Variants in ASIC2 observed in about 807,000 individuals in gnomAD.
ASIC2 encodes the protein acid sensing ion channel subunit 2.
Under a neutral mutation model 57.3 loss-of-function variants are expected in ASIC2, and 25 were observed. The observed-to-expected ratio is 0.44, with a 90% CI of 0.32 to 0.61. The LOEUF is 0.61. Ranked by LOEUF, ASIC2 falls within the 20% of genes least tolerant of loss-of-function variation. The pLI is 0.06. For synonymous variants in ASIC2, 319 were observed against 307.5 expected (o/e 1.04, Z -0.39); for missense variants, 641 against 738.1 (o/e 0.87, Z 1.52).
At chr17:33,884,552 T>C (rs1403481903) in intron 1 of ASIC2, among the ~76,000 whole-genome samples, 1 of 152,202 alleles carries the variant, frequency 6.6e-6, no homozygotes, top group Admixed American at 6.5e-5. Context: ...CCCAGCATTA[T>C]GAAAACCCTA....
intron 1 of ASIC2, among the ~76,000 whole-genome samples, chr17:33,949,838 A>G (rs1309618046): frequency 1.3e-5 from 2 of 152,222 alleles, no homozygotes; most frequent in Non-Finnish European, 2.9e-5. Context: ...CTTAGTGAGG[A>G]TTAATTATTA....
chr17:33,545,248 T>C (rs2141972180), intron 1 of ASIC2, among the ~76,000 whole-genome samples: 1 of 152,208 alleles, frequency 6.6e-6, no homozygotes, highest in East Asian at 1.9e-4. Flanking sequence ...TGGTTCTATA[T>C]GTTAAGCAAT....
chr17:33,490,543 T>C (rs1405794960), intron 1 of ASIC2, among the ~76,000 whole-genome samples: 2 of 152,186 alleles, frequency 1.3e-5, no homozygotes, highest in Non-Finnish European at 2.9e-5. Flanking sequence ...GCCGTTCCAT[T>C]GATAGTGAAT....
At chr17:34,079,488 C>G (rs1909799041) in intron 1 of ASIC2, among the ~76,000 whole-genome samples, 1 of 152,206 alleles carries the variant, frequency 6.6e-6, no homozygotes, top group African/African-American at 2.4e-5. Context: ...CCAGGTACCT[C>G]ACTTGTTGCT....
At chr17:33,385,704 GC>G (rs1365695467) in intron 1 of ASIC2, among the ~76,000 whole-genome samples, 1 of 152,216 alleles carries the variant, frequency 6.6e-6, no homozygotes, top group African/African-American at 2.4e-5. Context: ...TTGGCAGGAA[GC>G]TTTGCCTGGT....
intron 1 of ASIC2, among the ~76,000 whole-genome samples, chr17:34,017,408 T>C (rs1391295702): frequency 6.6e-6 from 1 of 152,198 alleles, no homozygotes; most frequent in African/African-American, 2.4e-5. Flanking sequence ...CCAACAATAT[T>C]GAAATTAGGC....
Position 33,343,540 on chromosome 17 carries a change from A to G in ASIC2, c.556-231473T>C, listed in dbSNP as rs559153800. Among the ~76,000 whole-genome samples the G allele has an allele frequency of 6.6e-5, 10 of 152,270 alleles. No homozygotes were observed. In the South Asian group the frequency reaches 2.1e-3, roughly 32 times the overall value. On this transcript the variant is annotated intron_variant, in intron 1 of 9. Coordinates refer to the ASIC2 transcript ENST00000359872. ...TAGCCAGACTAAAAGCTCCCCTGAC[A>G]TGGGGGGAGTCTACGGCTTGTTTTT...
At chr17:33,506,412 C>CAA (rs71144886) in intron 1 of ASIC2, among the ~76,000 whole-genome samples, 27 of 66,870 alleles carry the variant, frequency 4.0e-4, no homozygotes, top group Admixed American at 1.1e-3. Context: ...GACTCCGTCT[C>CAA]AAAAAAAAAA....
Position 34,039,977 on chromosome 17 carries a change from C to T in ASIC2, c.555+116001G>A, listed in dbSNP as rs541844555. 2.1e-4 allele frequency: 204 copies of T among 959,324 alleles called. No individual in the cohort carries two copies. The East Asian group carries it at 5.5e-3, about 26-fold the overall frequency. The allele number at this position is 959,324 out of a possible 1,614,324, so 59.4% of individuals were successfully genotyped here. On this transcript the variant is annotated intron_variant, in intron 1 of 9. Coordinates refer to the ASIC2 transcript ENST00000359872. Reference sequence around the variant, plus strand: ...GCTCTCCCCCTGGGCAGGCCCGGGGCGGAGCCGGGGCCTCTCCTGAGCGCC... The same window carrying T: ...GCTCTCCCCCTGGGCAGGCCCGGGGTGGAGCCGGGGCCTCTCCTGAGCGCC...
At chr17:33,929,749 G>A (rs772824198) in intron 1 of ASIC2, among the ~76,000 whole-genome samples, 27 of 152,142 alleles carry the variant, frequency 1.8e-4, no homozygotes, top group Non-Finnish European at 8.8e-5. Flanking sequence ...ACTGCCTGCC[G>A]TGCAAAGCAT....
rs12939692 is a variant in ASIC2 at position 33,937,950 on chromosome 17, G to T, written c.555+218028C>A. Among the ~76,000 whole-genome samples the T allele has an allele frequency of 8.0e-3, 1,223 of 152,286 alleles. 26 individuals carry two copies. The highest frequency in any genetic ancestry group is 0.028 in the African/African-American group (1,166 of 41,542). The stretch of plus-strand genomic sequence containing the variant: ...TGCCATTAACTTACTGATGACTTGG[G>T]GTTTCCAGAGTCCTGGATAAAGAAG... On this transcript the variant is annotated intron_variant, in intron 1 of 9. Coordinates refer to the ASIC2 transcript ENST00000359872.
chr17:34,038,253 A>G (rs1907967680), intron 1 of ASIC2: 2 of 1,610,772 alleles, frequency 1.2e-6, no homozygotes, highest in Non-Finnish European at 1.7e-6. Flanking sequence ...TCTTTCTCTG[A>G]CATTAATTTG....
intron 1 of ASIC2, among the ~76,000 whole-genome samples, chr17:33,655,194 C>G (rs571417876): frequency 6.6e-6 from 1 of 152,210 alleles, no homozygotes; most frequent in Non-Finnish European, 1.5e-5. Context: ...AGCCCTTCTG[C>G]TCTACAGACC....
intron 3 of ASIC2, among the ~76,000 whole-genome samples, chr17:33,049,042 A>G (rs1346891183): frequency 1.3e-5 from 2 of 152,176 alleles, no homozygotes; most frequent in Admixed American, 1.3e-4. Context: ...TCACAGAGGC[A>G]GGAAGGGGCA....
At chr17:33,853,416 G>A (rs756190659) in intron 1 of ASIC2, among the ~76,000 whole-genome samples, 7 of 152,158 alleles carry the variant, frequency 4.6e-5, no homozygotes, top group Non-Finnish European at 1.0e-4. Context: ...GATTCATTTC[G>A]GTTTGGCTTG....
intron 1 of ASIC2, chr17:33,569,484 G>A (rs1310618735): frequency 6.6e-6 from 1 of 152,342 alleles, no homozygotes; most frequent in Non-Finnish European, 1.5e-5. Context: ...GGGCTGATGG[G>A]ATGGGCCCAC....
intron 1 of ASIC2, among the ~76,000 whole-genome samples, chr17:33,192,260 G>T (rs189834062): frequency 6.6e-6 from 1 of 152,138 alleles, no homozygotes; most frequent in Admixed American, 6.5e-5. Context: ...GTGGGTGCCT[G>T]TAATCCCATC....
chr17:33,328,646 C>T (rs1188483431), intron 1 of ASIC2, among the ~76,000 whole-genome samples: 2 of 152,148 alleles, frequency 1.3e-5, no homozygotes, highest in Non-Finnish European at 1.5e-5. Flanking sequence ...GTTAAAATTG[C>T]CTTCTCTCAG....
chr17:33,067,798 GAGGAT>G (rs1393478143), intron 3 of ASIC2, among the ~76,000 whole-genome samples: 1 of 152,212 alleles, frequency 6.6e-6, no homozygotes, highest in Non-Finnish European at 1.5e-5. Flanking sequence ...TGGCTAATGA[GAGGAT>G]GGAGGTGGGC....
Sources: allele counts gnomAD v4.1 joint callset (sites outside exome capture counted in the v4.1 genomes callset), GRCh38; gene constraint gnomAD v4.1.1; transcripts MANE v1.5; gene names NCBI Gene and HGNC (gene_info 2026-07-23, HGNC 2026-07-21).